The following EXOC4 variants were observed in gnomAD, a reference collection of about 807,000 sequenced individuals.
EXOC4 encodes the protein exocyst complex component 4.
EXOC4 carries 71 observed loss-of-function variants against 107.2 expected under a neutral mutation model. The ratio of observed to expected loss-of-function variants is 0.66; its 90% confidence interval spans 0.55 to 0.81. The LOEUF (loss-of-function observed/expected upper bound fraction) is 0.81, where lower values mean the gene tolerates loss of function less well. Ranked by LOEUF, EXOC4 falls within the 30% of genes least tolerant of loss-of-function variation. The pLI, the probability that EXOC4 is intolerant of heterozygous loss-of-function variation, is 0.00. For synonymous variants in EXOC4, 456 were observed against 441.2 expected (o/e 1.03, Z -0.42); for missense variants, 1,108 against 1,189.6 (o/e 0.93, Z 1.01).
At chr7:134,067,634 T>TACACACACACACACACACAC (rs375285410), downstream of EXOC4, among the ~76,000 whole-genome samples, 1 of 133,758 alleles carries the variant, frequency 7.5e-6, no homozygotes, top group Non-Finnish European at 1.6e-5. Flanking sequence ...CTTATATATA[T>TACACACACACACACACACAC]ATATACACAC....
At chr7:133,523,432 T>G (rs1390540475) in intron 9 of EXOC4, among the ~76,000 whole-genome samples, 2 of 133,958 alleles carry the variant, frequency 1.5e-5, no homozygotes, top group African/African-American at 5.4e-5. Flanking sequence ...ATATATACCT[T>G]TCAGTTCTTT....
chr7:134,010,451 T>G (rs1794737483), intron 17 of EXOC4, among the ~76,000 whole-genome samples: 1 of 152,222 alleles, frequency 6.6e-6, no homozygotes, highest in African/African-American at 2.4e-5. Context: ...CCTCTCATTT[T>G]TTCTTGTTTT....
At chr7:133,842,041 T>A (rs1343477439) in intron 11 of EXOC4, among the ~76,000 whole-genome samples, 2 of 152,258 alleles carry the variant, frequency 1.3e-5, no homozygotes, top group East Asian at 1.9e-4. Flanking sequence ...ATTTTCTTTA[T>A]CCAGTTTACC....
At chr7:133,427,222 A>G (rs1245852764) in intron 7 of EXOC4, among the ~76,000 whole-genome samples, 2 of 151,994 alleles carry the variant, frequency 1.3e-5, no homozygotes, top group African/African-American at 4.8e-5. Context: ...GATGAGGAGT[A>G]TTTGTTTTTG....
At chr7:133,412,536 C>T (rs1797385355) in intron 7 of EXOC4, among the ~76,000 whole-genome samples, 1 of 151,866 alleles carries the variant, frequency 6.6e-6, no homozygotes, top group Non-Finnish European at 1.5e-5. Flanking sequence ...TAATCCCAAA[C>T]CGCCATGAAA....
At chr7:133,591,278 C>T (rs980440576) in intron 9 of EXOC4, among the ~76,000 whole-genome samples, 5 of 152,130 alleles carry the variant, frequency 3.3e-5, no homozygotes, top group Admixed American at 6.5e-5. Context: ...ACTGTCTTCC[C>T]ACTTCAGCCT....
intron 7 of EXOC4, among the ~76,000 whole-genome samples, chr7:133,397,769 T>A (rs980133648): frequency 1.3e-5 from 2 of 152,152 alleles, no homozygotes; most frequent in Non-Finnish European, 2.9e-5. Context: ...ATTCTCTCCA[T>A]TAATAACAAA....
intron 17 of EXOC4, chr7:134,008,046 C>G (rs1794683143): frequency 2.1e-6 from 1 of 487,056 alleles, no homozygotes; most frequent in Non-Finnish European, 3.6e-6. Flanking sequence ...TTCCTGATGT[C>G]TAACCCAAGT....
intron 7 of EXOC4, among the ~76,000 whole-genome samples, chr7:133,417,668 CAAG>C (rs936193558): frequency 7.9e-5 from 12 of 152,232 alleles, no homozygotes; most frequent in African/African-American, 2.2e-4. Context: ...CTAGTGACAT[CAAG>C]GACAGATCAT....
chr7:133,309,376 T>C (rs571607016), intron 4 of EXOC4, among the ~76,000 whole-genome samples: 3 of 152,284 alleles, frequency 2.0e-5, no homozygotes, highest in Non-Finnish European at 4.4e-5. Flanking sequence ...CAAAGACTTT[T>C]CTAGCCAGCC....
chr7:133,838,656 A>G (rs1299435837), intron 11 of EXOC4, among the ~76,000 whole-genome samples: 1 of 152,214 alleles, frequency 6.6e-6, no homozygotes, highest in Non-Finnish European at 1.5e-5. Flanking sequence ...ACAAGCACTC[A>G]GGTAATAGCT....
rs543242473 is a variant in EXOC4, at chr7:133,895,780, A to C, written c.1871+45A>C. 2.0e-4 allele frequency: 323 copies of C among 1,585,670 alleles called. 2 individuals carry two copies. The South Asian group carries it at 3.5e-3, about 17-fold the overall frequency. On this transcript the variant is annotated intron_variant, in intron 12 of 17. Transcript: ENST00000253861. ...CTAAGCAAAGTAACGTTTGAGCCTG[A>C]TGGTGGTTCCAATTGGTGAAATTGC...
intron 5 of EXOC4, among the ~76,000 whole-genome samples, chr7:133,326,533 A>G (rs1795245813): frequency 6.6e-6 from 1 of 152,198 alleles, no homozygotes; most frequent in African/African-American, 2.4e-5. Context: ...AATATTGCTG[A>G]ACAGCAAATG....
chr7:134,091,544 A>G, the EXOC4 span, among the ~76,000 whole-genome samples: 4 of 152,164 alleles, frequency 2.6e-5, no homozygotes, highest in African/African-American at 9.7e-5. Flanking sequence ...GAATGCCTTA[A>G]TCGTCTGGGA....
intron 9 of EXOC4, among the ~76,000 whole-genome samples, chr7:133,531,014 A>G (rs185430961): frequency 5.3e-4 from 80 of 152,270 alleles, no homozygotes; most frequent in Admixed American, 1.4e-3. Context: ...GGCCAGACTC[A>G]TACAGGCAGG....
chr7:133,927,372 T>A (rs1201593163), intron 13 of EXOC4, among the ~76,000 whole-genome samples: 1 of 152,158 alleles, frequency 6.6e-6, no homozygotes, highest in East Asian at 1.9e-4. Flanking sequence ...AGGAATGTGT[T>A]TAGATGTGGA....
At chr7:133,927,102 A>G (rs1800068578) in intron 13 of EXOC4, among the ~76,000 whole-genome samples, 1 of 151,592 alleles carries the variant, frequency 6.6e-6, no homozygotes, top group African/African-American at 2.4e-5. Context: ...AATGAGAAGG[A>G]TCAGCCCCTC....
chr7:133,479,694 A>G (rs1004835746), intron 8 of EXOC4: 6 of 229,364 alleles, frequency 2.6e-5, no homozygotes, highest in Non-Finnish European at 5.4e-5. Flanking sequence ...TGGTAACGTA[A>G]TTAGAATGAC....
chr7:133,706,181 A>G (rs1032760975), intron 10 of EXOC4, among the ~76,000 whole-genome samples: 1 of 152,180 alleles, frequency 6.6e-6, no homozygotes, highest in African/African-American at 2.4e-5. Context: ...TGTAAGTGCA[A>G]TTCTGTATCT....
Sources: gnomAD v4.1 joint callset for allele counts (sites outside exome capture counted in the v4.1 genomes callset) on GRCh38, gnomAD v4.1.1 for gene constraint, MANE v1.5 for transcripts, NCBI Gene and HGNC (gene_info 2026-07-23, HGNC 2026-07-21) for gene names.